The following CDC40 variants were observed in gnomAD, a reference collection of about 807,000 sequenced individuals.
CDC40 encodes the protein pre-mRNA-processing factor 17.
Under a neutral mutation model 80.6 loss-of-function variants are expected in CDC40, and 27 were observed. The observed-to-expected ratio is 0.33, with a 90% CI of 0.25 to 0.46. The LOEUF is 0.46. Ranked by LOEUF, CDC40 falls within the 20% of genes least tolerant of loss-of-function variation. The probability of loss-of-function intolerance (pLI) is 1.00; values close to 1 mark genes in which losing one functional copy is unlikely to be tolerated. For missense variants in CDC40, 486 were observed against 694.1 expected, an observed-to-expected ratio of 0.70 and a Z score of 3.37; for synonymous variants, 221 against 232.6, an observed-to-expected ratio of 0.95 and a Z score of 0.45.
At chr6:110,229,808 G>C in intron 14 of CDC40, 146 bp from the exon 15 acceptor site, 1 of 553,728 alleles carries the variant, frequency 1.8e-6, no homozygotes, top group Non-Finnish European at 3.2e-6. Flanking sequence ...ACTGCTTCAT[G>C]TTCTACCATC....
intron 13 of CDC40, 32 bp downstream of exon 13, chr6:110,226,275 G>A (rs760682571): frequency 3.8e-6 from 5 of 1,311,148 alleles, no homozygotes; most frequent in South Asian, 2.4e-5. Flanking sequence ...ATTTTTAAAT[G>A]AGCTTCTAAG....
intron 2 of CDC40, 51 bp downstream of exon 2, chr6:110,193,319 A>T (rs1297217575): frequency 9.5e-7 from 1 of 1,053,534 alleles, no homozygotes; most frequent in Non-Finnish European, 1.5e-6. Flanking sequence ...TTTAAATCAT[A>T]GTAGATAATT....
intron 1 of CDC40, among the ~76,000 whole-genome samples, chr6:110,191,760 G>T (rs960462497): frequency 2.0e-5 from 3 of 152,162 alleles, no homozygotes; most frequent in Non-Finnish European, 4.4e-5. Context: ...GCTAGATGAA[G>T]ACAGAAGTTG....
intron 12 of CDC40, among the ~76,000 whole-genome samples, chr6:110,222,030 T>C (rs1777784371): frequency 6.6e-6 from 1 of 151,416 alleles, no homozygotes; most frequent in African/African-American, 2.4e-5. Flanking sequence ...CTGAGTTGGG[T>C]GGATCACTTG....
At chr6:110,185,436 G>T (rs1777255556) in intron 1 of CDC40, among the ~76,000 whole-genome samples, 1 of 149,848 alleles carries the variant, frequency 6.7e-6, no homozygotes, top group Admixed American at 6.6e-5. Context: ...TAGAGACGGG[G>T]TTTCACCGTT....
intron 1 of CDC40, among the ~76,000 whole-genome samples, chr6:110,191,163 G>A (rs570367523): frequency 2.4e-4 from 36 of 152,228 alleles, no homozygotes; most frequent in Middle Eastern, 3.4e-3. Flanking sequence ...TCAAATTTTG[G>A]AACAGTGAAT....
intron 2 of CDC40, among the ~76,000 whole-genome samples, chr6:110,194,306 T>A (rs918344075): frequency 6.6e-6 from 1 of 152,148 alleles, no homozygotes; most frequent in Non-Finnish European, 1.5e-5. Context: ...AAGATGGAGG[T>A]GAGGAGCTAT....
At chr6:110,229,134 A>G (rs900402195) in intron 14 of CDC40, among the ~76,000 whole-genome samples, 158 bp downstream of exon 14, 1 of 152,244 alleles carries the variant, frequency 6.6e-6, no homozygotes, top group Non-Finnish European at 1.5e-5. Flanking sequence ...AAAGGCAAGA[A>G]CAAATTAGGA....
At position 110,219,418 on chromosome 6, in the gene CDC40, A is replaced by G. The variant is rs76630543; in HGVS notation, c.1145A>G (p.Asn382Ser). Residue 382 changes from asparagine (N) to serine (S), a missense_variant, in exon 11 of 15, where the codon AAT (asparagine) becomes AGT (serine). Physicochemically the swap from Asn to Ser is conservative, Grantham distance 46. Transcript: ENST00000307731. ...NRKVPYCVKFNPDEDKQNLFV... is the reference protein window; with the variant it reads ...NRKVPYCVKFSPDEDKQNLFV... Reference sequence around the variant, plus strand: ...AAAGTACCTTATTGTGTCAAATTCAATCCTGATGAAGATAAGCAAAATCTC... The same window carrying G: ...AAAGTACCTTATTGTGTCAAATTCAGTCCTGATGAAGATAAGCAAAATCTC... The G allele has an allele frequency of 1.2e-6, 2 of 1,610,928 alleles. No individual in the cohort carries two copies. The highest frequency in any genetic ancestry group is 1.7e-6 in the Non-Finnish European group (2 of 1,177,372).
At chr6:110,229,085 A>G in intron 14 of CDC40, 109 bp downstream of exon 14, 1 of 906,742 alleles carries the variant, frequency 1.1e-6, no homozygotes, top group Non-Finnish European at 1.6e-6. Context: ...TTTTTATGAG[A>G]ACTCGATGAT....
chr6:110,190,374 A>T (rs1777330215), intron 1 of CDC40, among the ~76,000 whole-genome samples: 1 of 152,200 alleles, frequency 6.6e-6, no homozygotes, highest in African/African-American at 2.4e-5. Flanking sequence ...TAAAGCAGAT[A>T]AGGAAGTATT....
chr6:110,193,033 T>G (rs919311423), intron 1 of CDC40, 149 bp from the exon 2 acceptor site: 2 of 517,098 alleles, frequency 3.9e-6, no homozygotes, highest in Non-Finnish European at 3.5e-6. Flanking sequence ...CCTCTAACTG[T>G]ATACATTAAT....
intron 12 of CDC40, among the ~76,000 whole-genome samples, chr6:110,223,622 G>GC (rs1300569863): frequency 6.6e-6 from 1 of 152,094 alleles, no homozygotes; most frequent in Admixed American, 6.5e-5. Flanking sequence ...GGGAAAATTA[G>GC]CAACACTGGG....
intron 1 of CDC40, among the ~76,000 whole-genome samples, chr6:110,186,607 T>G (rs559599517): frequency 6.6e-6 from 1 of 152,336 alleles, no homozygotes; most frequent in East Asian, 1.9e-4. Context: ...TAAGATATTC[T>G]ACTGTCTTCT....
chr6:110,204,035 G>A (rs1170282139), intron 3 of CDC40, among the ~76,000 whole-genome samples: 4 of 151,550 alleles, frequency 2.6e-5, no homozygotes, highest in Non-Finnish European at 5.9e-5. Flanking sequence ...TTTTTTTTGA[G>A]ACAGTCTCAC....
chr6:110,193,602 T>C lies in CDC40; in HGVS notation c.276+334T>C, dbSNP rs73537936. Among the ~76,000 whole-genome samples the C allele has an allele frequency of 4.3e-3, 651 of 152,252 alleles. 4 individuals are homozygous for C. The highest frequency in any genetic ancestry group is 0.014 in the African/African-American group (591 of 41,546). ...TTGTATTTTTAGTAGAGACGGGGTT[T>C]CACTGTGTTAGCCAGGATGGTCTCA... On this transcript the variant is annotated intron_variant, in intron 2 of 14. Transcript: ENST00000307731.
chr6:110,219,305 C>T, intron 10 of CDC40, 59 bp from the exon 11 acceptor site: 1 of 764,262 alleles, frequency 1.3e-6, no homozygotes, highest in Non-Finnish European at 2.2e-6. Context: ...CTTAATCTCA[C>T]AGTCATCTTT....
At chr6:110,180,807 C>G (rs1426712282) in intron 1 of CDC40, among the ~76,000 whole-genome samples, 174 bp downstream of exon 1, 1 of 152,158 alleles carries the variant, frequency 6.6e-6, no homozygotes, top group Non-Finnish European at 1.5e-5. Context: ...ATTGGAAGTT[C>G]GGAATAGCCC....
chr6:110,217,315 CA>C (rs1232236405), intron 9 of CDC40, among the ~76,000 whole-genome samples: 9 of 152,222 alleles, frequency 5.9e-5, no homozygotes, highest in Non-Finnish European at 1.3e-4. Context: ...AAAATTCCAG[CA>C]GCCATTTCTT....
Sources: gnomAD v4.1 joint callset for allele counts (sites outside exome capture counted in the v4.1 genomes callset) on GRCh38, gnomAD v4.1.1 for gene constraint, MANE v1.5 for transcripts, NCBI Gene and HGNC (gene_info 2026-07-23, HGNC 2026-07-21) for gene names.